TRIM66: variants seen among roughly 807,000 people sequenced by gnomAD.
The protein encoded by TRIM66 is tripartite motif-containing protein 66.
TRIM66 carries 99 observed loss-of-function variants against 148.2 expected under a neutral mutation model. The observed-to-expected ratio is 0.67, with a 90% confidence interval of 0.57 to 0.79. TRIM66 has a LOEUF of 0.79. Ranked by LOEUF, TRIM66 falls within the 30% of genes least tolerant of loss-of-function variation. TRIM66 has a pLI of 0.00. For synonymous variants in TRIM66, 616 were observed against 635.9 expected, an observed-to-expected ratio of 0.97 and a Z score of 0.47; for missense variants, 1,666 against 1,697.9, an observed-to-expected ratio of 0.98 and a Z score of 0.33.
At chr11:8,639,255 G>A (rs1374422651) in intron 14 of TRIM66, among the ~76,000 whole-genome samples, 1 of 152,130 alleles carries the variant, frequency 6.6e-6, no homozygotes, top group Non-Finnish European at 1.5e-5. Flanking sequence ...CTATAATAAA[G>A]TAAAAATCTG....
chr11:8,652,326 C>T (rs1405498109), intron 6 of TRIM66, among the ~76,000 whole-genome samples: 1 of 152,090 alleles, frequency 6.6e-6, no homozygotes, highest in Non-Finnish European at 1.5e-5. Context: ...TTAAGGTTAC[C>T]ACATAGCAGG....
chr11:8,623,529 GA>G (rs976723443), intron 17 of TRIM66, among the ~76,000 whole-genome samples: 2 of 151,590 alleles, frequency 1.3e-5, no homozygotes, highest in African/African-American at 4.8e-5. Context: ...CAGTCAGTGT[GA>G]AAAAAAAGGA....
intron 6 of TRIM66, among the ~76,000 whole-genome samples, chr11:8,654,086 C>T (rs2037603653): frequency 6.6e-6 from 1 of 152,178 alleles, no homozygotes; most frequent in African/African-American, 2.4e-5. Context: ...GATGCCCAAA[C>T]ATCAGTCATT....
chr11:8,652,137 C>T (rs1019855942), intron 6 of TRIM66, among the ~76,000 whole-genome samples: 2 of 152,186 alleles, frequency 1.3e-5, no homozygotes, highest in Non-Finnish European at 2.9e-5. Flanking sequence ...TTGTCTTTAC[C>T]TGGTCCTACC....
At chr11:8,633,951 C>G (rs368098835) in intron 15 of TRIM66, among the ~76,000 whole-genome samples, 1 of 152,162 alleles carries the variant, frequency 6.6e-6, no homozygotes, top group Non-Finnish European at 1.5e-5. Context: ...CTCTGTATCA[C>G]TCTTAATAAT....
rs907804258 is a variant in TRIM66, at chr11:8,612,083, AG to A, written c.*5860del. On this transcript the variant is annotated 3_prime_UTR_variant, in exon 25 of 25. Coordinates refer to ENST00000646038, the MANE Select transcript of TRIM66 (RefSeq NM_001388022.1). ...GTTTTTTATTTGTTCTTGAATGTAT[AG>A]GTTCTTTTAAAATCAGCTATACTTC... 6.6e-6 allele frequency: 1 copy of A among 152,170 alleles called. No homozygotes were observed. Among genetic ancestry groups the A allele is most frequent in the Non-Finnish European group, 1.5e-5 (1 of 68,010 alleles). 9.4% of individuals were successfully genotyped at this position (152,170 alleles called of 1,614,324 possible).
intron 15 of TRIM66, among the ~76,000 whole-genome samples, chr11:8,636,362 A>C (rs2035879611): frequency 6.6e-6 from 1 of 152,224 alleles, no homozygotes; most frequent in African/African-American, 2.4e-5. Context: ...GCAGGCAAGA[A>C]GAACCCATCA....
intron 13 of TRIM66, 116 bp from the exon 14 acceptor site, chr11:8,641,268 T>A: frequency 1.0e-6 from 1 of 957,100 alleles, no homozygotes; most frequent in Non-Finnish European, 1.5e-6. Context: ...GGAACAGAGA[T>A]TAAGAAACTC....
At chr11:8,623,651 G>C (rs2034522782) in intron 17 of TRIM66, among the ~76,000 whole-genome samples, 1 of 152,166 alleles carries the variant, frequency 6.6e-6, no homozygotes, top group Non-Finnish European at 1.5e-5. Context: ...ATGATCATCA[G>C]GAAGTCGCTT....
intron 19 of TRIM66, 140 bp downstream of exon 19, chr11:8,621,505 A>G: frequency 1.5e-6 from 2 of 1,296,538 alleles, no homozygotes; most frequent in Non-Finnish European, 2.1e-6. Context: ...AGGACCTTGC[A>G]GCAGGGGACA....
Position 8,624,452 on chromosome 11 carries a change from G to A in TRIM66, c.2926C>T (p.Leu976=), listed in dbSNP as rs1051796547. ...APKDLAIPSE[L]EEPINLSVKK... ...ACAGAGAGGTTAATTGGCTCCTCCA[G>A]TTCTGAGGGGATGGCCAAGTCCTTG... Residue 976 remains leucine, a synonymous_variant, in exon 17 of 25, where the codon CTG becomes TTG. Coordinates refer to ENST00000646038, the MANE Select transcript of TRIM66 (RefSeq NM_001388022.1). The A allele has an allele frequency of 5.8e-6, 9 of 1,551,554 alleles. No homozygotes were observed. In the African/African-American group the frequency reaches 1.2e-4, roughly 21 times the overall value.
intron 15 of TRIM66, among the ~76,000 whole-genome samples, chr11:8,630,617 C>T (rs536322948): frequency 1.3e-5 from 2 of 152,128 alleles, no homozygotes; most frequent in Non-Finnish European, 2.9e-5. Context: ...CAACCCTGAG[C>T]CTACAGAGCC....
At chr11:8,647,679 C>G (rs969639496) in intron 10 of TRIM66, among the ~76,000 whole-genome samples, 1 of 152,134 alleles carries the variant, frequency 6.6e-6, no homozygotes, top group Admixed American at 6.5e-5. Flanking sequence ...TGCTTGGTAC[C>G]CTTGTTCTCA....
At chr11:8,667,224 T>C (rs1209675544) in intron 6 of TRIM66, among the ~76,000 whole-genome samples, 1 of 152,102 alleles carries the variant, frequency 6.6e-6, no homozygotes, top group Non-Finnish European at 1.5e-5. Context: ...AGACCTGAAC[T>C]TAAGAGCTAA....
chr11:8,626,898 C>T (rs1453913411), intron 15 of TRIM66, among the ~76,000 whole-genome samples: 1 of 152,174 alleles, frequency 6.6e-6, no homozygotes, highest in Non-Finnish European at 1.5e-5. Flanking sequence ...CAAGCTCTCC[C>T]TCCACCCACT....
At position 8,640,778 on chromosome 11, in the gene TRIM66, C is replaced by T. The variant is rs1314555982; in HGVS notation, c.1597G>A (p.Glu533Lys). Reference protein sequence around the residue: ...HPPKLLQPWLETQPPVEQEST... With the variant: ...HPPKLLQPWLKTQPPVEQEST... ...TCCTGCTCCACGGGGGGCTGGGTTT[C>T]CAGCCAGGGCTGCAGCAGCTTTGGT... Residue 533 changes from glutamate to lysine, a missense_variant, in exon 14 of 25, where the codon GAA becomes AAA. By Grantham distance (56) the Glu-to-Lys change is moderately conservative. Around this residue, in one of 3 missense-constraint regions of TRIM66, gnomAD observed 1,431 missense variants for 1,412.4 expected, o/e 1.01. Transcript: ENST00000646038. 1 of 1,551,086 alleles carries T rather than the reference C, an allele frequency of 6.4e-7. No individual in the cohort carries two copies. The highest frequency in any genetic ancestry group is 1.4e-5 in the African/African-American group (1 of 73,040).
intron 6 of TRIM66, among the ~76,000 whole-genome samples, chr11:8,652,392 C>G (rs4256980): frequency 0.59 from 88,943 of 151,790 alleles, 26,498 homozygotes; most frequent in Non-Finnish European, 0.64. Context: ...CAGAGAAAGG[C>G]AAGGCCTCCC....
In TRIM66 at chr11:8,620,251, A is replaced by C. The variant is rs933175806; in HGVS notation, c.3673-127T>G. ...ATGCCAGCTGCCATACTAAGGCACA[A>C]TTCAGGTTCCCAAGCCAGAGGAAAA... On this transcript the variant is annotated intron_variant, in intron 21 of 24. Transcript: ENST00000646038. 2.2e-5 allele frequency: 29 copies of C among 1,306,486 alleles called. No homozygotes were observed. The African/African-American group carries it at 3.7e-4, about 17-fold the overall frequency. 80.9% of individuals were successfully genotyped at this position (1,306,486 alleles called of 1,614,324 possible). A position where few individuals can be genotyped will look rare whatever the true frequency, so the allele number is the denominator to read the frequency against.
At position 8,625,157 on chromosome 11, in the gene TRIM66, C is replaced by T. The variant is rs1339129695; in HGVS notation, c.2382G>A (p.Glu794=). The change falls in exon 16 of 25, where the codon GAG becomes GAA. Residue 794 remains glutamate (E), a synonymous_variant. Coordinates refer to ENST00000646038, the MANE Select transcript of TRIM66 (RefSeq NM_001388022.1). ...LEMELSSTRL[E]RPLEPQIQSV... is the part of the protein sequence containing the mutation. ...TCTGGATCTGTGGCTCTAGGGGCCT[C>T]TCCAACCTGGTAGATGACAACTCCA... 6.5e-7 allele frequency: 1 copy of T among 1,546,206 alleles called. No homozygotes were observed. Among genetic ancestry groups the T allele is most frequent in the South Asian group, 1.2e-5 (1 of 83,458 alleles).
Sources: gnomAD v4.1 joint callset for allele counts (sites outside exome capture counted in the v4.1 genomes callset) on GRCh38, gnomAD v4.1.1 for gene constraint, gnomAD v4.1.1 regional missense constraint, MANE v1.5 for transcripts, NCBI Gene and HGNC (gene_info 2026-07-23, HGNC 2026-07-21) for gene names.